The following GALNT13 variants were observed in gnomAD, a reference collection of about 807,000 sequenced individuals.
GALNT13 encodes UDP-GalNAc:polypeptide N-acetylgalactosaminyltransferase 13.
GALNT13 carries 28 observed loss-of-function variants against 64.2 expected under a neutral mutation model. The ratio of observed to expected loss-of-function variants is 0.44; its 90% CI spans 0.32 to 0.60. The LOEUF (loss-of-function observed/expected upper bound fraction) is 0.60, where lower values mean the gene tolerates loss of function less well. Ranked by LOEUF, GALNT13 falls within the 20% of genes least tolerant of loss-of-function variation. The pLI is 0.05. For missense variants in GALNT13, 577 were observed against 669.8 expected, an observed-to-expected ratio of 0.86 and a Z score of 1.53; for synonymous variants, 214 against 224.6, an observed-to-expected ratio of 0.95 and a Z score of 0.42.
intron 2 of GALNT13, among the ~76,000 whole-genome samples, chr2:153,928,194 A>T (rs1326092520): frequency 1.3e-5 from 2 of 152,096 alleles, no homozygotes; most frequent in African/African-American, 4.8e-5. Context: ...ATTTTTCTAC[A>T]AATAAATGCC....
At chr2:153,885,791 T>C (rs189059525) in intron 1 of GALNT13, among the ~76,000 whole-genome samples, 3 of 152,258 alleles carry the variant, frequency 2.0e-5, no homozygotes, top group Admixed American at 2.0e-4. Flanking sequence ...ATCCTTGGGC[T>C]AACACTAATT....
chr2:154,345,800 T>C (rs1412675595), intron 9 of GALNT13, among the ~76,000 whole-genome samples: 1 of 152,036 alleles, frequency 6.6e-6, no homozygotes, highest in Non-Finnish European at 1.5e-5. Context: ...TGTAAAGACT[T>C]TCAGGTGAGA....
intron 4 of GALNT13, among the ~76,000 whole-genome samples, chr2:154,151,489 A>G (rs576263103): frequency 1.1e-4 from 16 of 152,066 alleles, no homozygotes; most frequent in South Asian, 2.1e-4. Context: ...TATCCTTGTT[A>G]ACTTTCTGTC....
At chr2:154,113,707 G>A (rs1364981765) in intron 3 of GALNT13, among the ~76,000 whole-genome samples, 1 of 152,210 alleles carries the variant, frequency 6.6e-6, no homozygotes, top group Non-Finnish European at 1.5e-5. Flanking sequence ...TGTCATCAAT[G>A]TAATGGACAA....
At chr2:154,397,228 G>T (rs780861509) in intron 10 of GALNT13, among the ~76,000 whole-genome samples, 1 of 151,948 alleles carries the variant, frequency 6.6e-6, no homozygotes, top group Non-Finnish European at 1.5e-5. Context: ...GAGGCCAGGA[G>T]ATCGACACCA....
intron 9 of GALNT13, among the ~76,000 whole-genome samples, chr2:154,332,819 A>G (rs1695239003): frequency 6.6e-6 from 1 of 152,160 alleles, no homozygotes. Context: ...CTTATGTGAT[A>G]AAAGCAAATG....
At position 154,015,938 on chromosome 2, in the gene GALNT13, G is replaced by A. The variant is rs147110339; in HGVS notation, c.142+71299G>A. 2.6e-5 allele frequency among the ~76,000 whole-genome samples: 4 copies of A among 152,188 alleles called. No homozygotes were observed. The East Asian group carries it at 5.8e-4, about 22-fold the overall frequency. ...TATTGTGAAAATACGAATGTTTTAG[G>A]TACAAACTCAGAGGTGCCAGACAAA... On this transcript the variant is annotated intron_variant, in intron 3 of 12. Coordinates refer to ENST00000392825, the MANE Select transcript of GALNT13 (RefSeq NM_052917.4).
the GALNT13 span, among the ~76,000 whole-genome samples, chr2:153,729,425 A>G: frequency 6.6e-6 from 1 of 152,146 alleles, no homozygotes; most frequent in African/African-American, 2.4e-5. Context: ...TTTTAAAAAA[A>G]TTAAGGTTAC....
intron 4 of GALNT13, among the ~76,000 whole-genome samples, chr2:154,234,387 T>C (rs556732059): frequency 6.6e-6 from 1 of 152,140 alleles, no homozygotes; most frequent in South Asian, 2.1e-4. Context: ...GGAGCAGTTT[T>C]ACTCTAATTT....
chr2:153,723,388 G>T, the GALNT13 span, among the ~76,000 whole-genome samples: 1,601 of 148,572 alleles, frequency 0.011, 29 homozygotes, highest in African/African-American at 0.039. Context: ...CTTTGAAAAC[G>T]GGCACAAGAC....
At chr2:153,103,795 G>T in the GALNT13 span, among the ~76,000 whole-genome samples, 19 of 152,208 alleles carry the variant, frequency 1.2e-4, no homozygotes, top group African/African-American at 4.6e-4. Context: ...TACCTAGATT[G>T]TGTTTGGGAG....
At chr2:153,186,364 G>A in the GALNT13 span, among the ~76,000 whole-genome samples, 2 of 151,902 alleles carry the variant, frequency 1.3e-5, no homozygotes, top group Non-Finnish European at 2.9e-5. Flanking sequence ...CATGAAATAG[G>A]TCTCTTGATG....
intron 3 of GALNT13, among the ~76,000 whole-genome samples, chr2:154,034,563 A>G (rs1239166999): frequency 1.3e-5 from 2 of 152,136 alleles, no homozygotes; most frequent in Non-Finnish European, 2.9e-5. Context: ...TCATTAAATA[A>G]TTTCTCATCC....
the GALNT13 span, among the ~76,000 whole-genome samples, chr2:153,245,740 T>A: frequency 6.6e-6 from 1 of 152,134 alleles, no homozygotes; most frequent in African/African-American, 2.4e-5. Context: ...ATGCCTCTTC[T>A]TCTTCAAATG....
chr2:153,547,979 G>T, the GALNT13 span, among the ~76,000 whole-genome samples: 2 of 152,306 alleles, frequency 1.3e-5, no homozygotes, highest in South Asian at 4.1e-4. Context: ...CATAGTTCCT[G>T]AAATGTAGTT....
intron 3 of GALNT13, among the ~76,000 whole-genome samples, chr2:154,117,916 G>T (rs1039290456): frequency 2.6e-5 from 4 of 152,146 alleles, no homozygotes; most frequent in Non-Finnish European, 4.4e-5. Flanking sequence ...GCTGAGGCTT[G>T]TTTTGTTTCA....
intron 12 of GALNT13, among the ~76,000 whole-genome samples, chr2:154,442,872 T>G (rs544594136): frequency 2.6e-5 from 4 of 152,246 alleles, no homozygotes; most frequent in Non-Finnish European, 5.9e-5. Context: ...TAACTTATTT[T>G]TCATGTGACT....
At chr2:153,300,370 A>T in the GALNT13 span, among the ~76,000 whole-genome samples, 3 of 152,152 alleles carry the variant, frequency 2.0e-5, no homozygotes, top group African/African-American at 7.2e-5. Flanking sequence ...GAATTGCAGA[A>T]GGGTGAAAAA....
chr2:154,383,842 A>G (rs573407952), intron 9 of GALNT13, among the ~76,000 whole-genome samples: 1 of 151,976 alleles, frequency 6.6e-6, no homozygotes, highest in South Asian at 2.1e-4. Context: ...TAGTAAGTGT[A>G]GGTAGTAATT....
Sources: allele counts gnomAD v4.1 joint callset (sites outside exome capture counted in the v4.1 genomes callset), GRCh38; gene constraint gnomAD v4.1.1; transcripts MANE v1.5; gene names NCBI Gene and HGNC (gene_info 2026-07-23, HGNC 2026-07-21).